The following FRY variants were observed in gnomAD, a reference collection of about 807,000 sequenced individuals.
FRY encodes FRY microtubule binding protein.
Under a neutral mutation model 348.4 loss-of-function variants are expected in FRY, and 128 were observed. That is an observed-to-expected ratio of 0.37 (90% confidence interval 0.32 to 0.43). The LOEUF is 0.43. Ranked by LOEUF, FRY falls within the 20% of genes least tolerant of loss-of-function variation. The probability of loss-of-function intolerance (pLI) is 1.00; values close to 1 mark genes in which losing one functional copy is unlikely to be tolerated. For missense variants in FRY, 2,736 were observed against 3,695.2 expected (o/e 0.74, Z 6.73); for synonymous variants, 1,370 against 1,374.7 (o/e 1.00, Z 0.08).
At chr13:32,059,967 C>T (rs1566048916) in intron 1 of FRY, among the ~76,000 whole-genome samples, 1 of 152,218 alleles carries the variant, frequency 6.6e-6, no homozygotes, top group African/African-American at 2.4e-5. Flanking sequence ...AGCAGAATCA[C>T]TTTAAGTGTT....
chr13:32,273,319 T>C (rs1325813458), intron 55 of FRY, among the ~76,000 whole-genome samples: 2 of 147,944 alleles, frequency 1.4e-5, no homozygotes, highest in East Asian at 2.0e-4. Flanking sequence ...CCCCCTGGGG[T>C]TCACGCCATT....
intron 57 of FRY, 54 bp from the exon 58 acceptor site, chr13:32,278,411 A>C: frequency 1.1e-6 from 1 of 926,002 alleles, no homozygotes; most frequent in East Asian, 2.4e-5. Context: ...TATACCAAAA[A>C]TGTTCTCAGA....
intron 16 of FRY, among the ~76,000 whole-genome samples, chr13:32,157,926 A>G (rs947491017): frequency 2.0e-5 from 3 of 152,234 alleles, no homozygotes; most frequent in Non-Finnish European, 4.4e-5. Context: ...GTTTTTGTTT[A>G]ACTATGGCAG....
chr13:32,176,116 G>A (rs2138229530), intron 20 of FRY, among the ~76,000 whole-genome samples: 1 of 152,240 alleles, frequency 6.6e-6, no homozygotes, highest in Admixed American at 6.5e-5. Flanking sequence ...GGTCAAGTCT[G>A]GGCTCTCGAA....
Position 32,247,312 on chromosome 13 carries a change from A to C in FRY, c.6829-11A>C, listed in dbSNP as rs1229449100. ...ATTATTTTTAACCCTTGAATGTTTT[A>C]TTTCCTGCAGAGTGTTCACTGGAGA... On this transcript the variant is annotated splice_polypyrimidine_tract_variant and intron_variant, in intron 47 of 60. Coordinates refer to ENST00000542859, the MANE Select transcript of FRY (RefSeq NM_023037.3). 1 of 1,606,184 alleles carries C rather than the reference A, an allele frequency of 6.2e-7. No homozygotes were observed. The highest frequency in any genetic ancestry group is 8.5e-7 in the Non-Finnish European group (1 of 1,172,906).
chr13:32,147,712 G>A (rs1880543250), intron 12 of FRY, 127 bp from the exon 13 acceptor site: 1 of 736,622 alleles, frequency 1.4e-6, no homozygotes, highest in South Asian at 1.4e-5. Context: ...AAAGAGGTGA[G>A]GTGGTTTGTT....
intron 29 of FRY, among the ~76,000 whole-genome samples, chr13:32,197,575 C>T (rs1883749615): frequency 6.6e-6 from 1 of 152,142 alleles, no homozygotes; most frequent in African/African-American, 2.4e-5. Flanking sequence ...AGTTGCCTAC[C>T]CACTAGTAAA....
At chr13:32,136,373 A>T (rs1467311912) in intron 10 of FRY, among the ~76,000 whole-genome samples, 1 of 152,198 alleles carries the variant, frequency 6.6e-6, no homozygotes, top group Non-Finnish European at 1.5e-5. Context: ...ATGCAATAAC[A>T]CTTCTTTTAG....
At chr13:32,032,009 CTTTCTTTCTTTCTT>C (rs1162801335) in intron 1 of FRY, 144 bp downstream of exon 1, 23 of 615,040 alleles carry the variant, frequency 3.7e-5, no homozygotes, top group Admixed American at 6.1e-5. Flanking sequence ...CTCTTTCTTT[CTTTCTTTCTTTCTT>C]TTTCTTTCTT....
intron 11 of FRY, among the ~76,000 whole-genome samples, chr13:32,145,225 G>C (rs1342618317): frequency 6.6e-6 from 1 of 152,162 alleles, no homozygotes; most frequent in Admixed American, 6.6e-5. Context: ...AGGCACCAGA[G>C]AAACTACCGA....
chr13:32,144,970 G>T (rs899918080), intron 11 of FRY, among the ~76,000 whole-genome samples: 1 of 151,978 alleles, frequency 6.6e-6, no homozygotes, highest in African/African-American at 2.4e-5. Context: ...GAACAGAGAA[G>T]GCTTCACAAA....
chr13:32,059,142 G>T (rs1257030202), intron 1 of FRY, among the ~76,000 whole-genome samples: 1 of 151,386 alleles, frequency 6.6e-6, no homozygotes. Flanking sequence ...ACTTCCCTTA[G>T]TATCTATAAA....
chr13:32,234,539 G>C (rs777719358), intron 41 of FRY, 35 bp from the exon 42 acceptor site: 1 of 1,594,146 alleles, frequency 6.3e-7, no homozygotes, highest in South Asian at 1.1e-5. Context: ...ATGTAGAGTA[G>C]AGACTGACCT....
chr13:32,082,830 G>A (rs1450689164), intron 2 of FRY, among the ~76,000 whole-genome samples: 1 of 152,026 alleles, frequency 6.6e-6, no homozygotes, highest in South Asian at 2.1e-4. Flanking sequence ...TTATTTCTTT[G>A]TGGGTTCTTT....
intron 14 of FRY, among the ~76,000 whole-genome samples, chr13:32,150,453 G>A (rs1035773222): frequency 2.0e-5 from 3 of 152,212 alleles, no homozygotes; most frequent in Admixed American, 6.5e-5. Context: ...TGAGGTTGTA[G>A]AAAGAACACT....
intron 20 of FRY, among the ~76,000 whole-genome samples, chr13:32,176,127 C>T (rs551908154): frequency 6.6e-6 from 1 of 152,298 alleles, no homozygotes. Flanking sequence ...GGCTCTCGAA[C>T]TCTCCTCCCC....
intron 3 of FRY, among the ~76,000 whole-genome samples, chr13:32,103,149 T>C (rs1877276912): frequency 6.6e-6 from 1 of 152,222 alleles, no homozygotes; most frequent in African/African-American, 2.4e-5. Context: ...GTGGCGTGGC[T>C]CTGGGCTAGC....
intron 8 of FRY, 75 bp from the exon 9 acceptor site, chr13:32,134,829 G>C: frequency 1.1e-6 from 1 of 911,792 alleles, no homozygotes; most frequent in Non-Finnish European, 1.9e-6. Context: ...GCTACTTACT[G>C]AAACTTGTTT....
chr13:32,208,942 G>A lies in FRY; in HGVS notation c.4108G>A (p.Val1370Met). 6.2e-7 allele frequency: 1 copy of A among 1,614,150 alleles called. No individual in the cohort carries two copies. Among genetic ancestry groups the A allele is most frequent in the Non-Finnish European group, 8.5e-7 (1 of 1,180,032 alleles). ...GCCCTGGCTGCACAACATCGAGCTG[G>A]TGGACAGCAGGCTCCTCCTCCCGGG... is the stretch of plus-strand genomic sequence containing the variant. ...LLPWLHNIEL[V>M]DSRLLLPGSS... Residue 1370 changes from valine (V) to methionine (M), a missense_variant, in exon 32 of 61, where the codon GTG (valine) becomes ATG (methionine). Val to Met is a conservative substitution (Grantham distance 21, BLOSUM62 1). This residue lies in a region of FRY where 794 missense variants were observed against 977.0 expected (regional missense o/e 0.81). Coordinates refer to ENST00000542859, the MANE Select transcript of FRY (RefSeq NM_023037.3).
Sources: allele counts gnomAD v4.1 joint callset (sites outside exome capture counted in the v4.1 genomes callset), GRCh38; gene constraint gnomAD v4.1.1; regional missense constraint gnomAD v4.1.1; transcripts MANE v1.5; gene names NCBI Gene and HGNC (gene_info 2026-07-23, HGNC 2026-07-21).